The following CPNE2 variants were observed in gnomAD, a reference collection of about 807,000 sequenced individuals.
CPNE2 encodes the protein copine-2.
CPNE2 carries 42 observed loss-of-function variants against 69.7 expected under a neutral mutation model. That is an observed-to-expected ratio of 0.60 (90% CI 0.47 to 0.78). The LOEUF is 0.78. Among genes scored for constraint, CPNE2 ranks in the 30% least tolerant of loss-of-function variants. The pLI, the probability that CPNE2 is intolerant of heterozygous loss-of-function variation, is 0.00. For missense variants in CPNE2, 587 were observed against 732.0 expected (o/e 0.80, Z 2.29); for synonymous variants, 294 against 289.8 (o/e 1.01, Z -0.15).
intron 14 of CPNE2, among the ~76,000 whole-genome samples, chr16:57,137,964 G>A (rs2069895294): frequency 6.6e-6 from 1 of 152,194 alleles, no homozygotes; most frequent in Non-Finnish European, 1.5e-5. Context: ...GAGTTGAGAG[G>A]TCTTCTCCCC....
Position 57,147,792 on chromosome 16 carries a change from C to A in CPNE2, c.*134C>A. 7.9e-6 allele frequency: 4 copies of A among 508,450 alleles called. No individual in the cohort carries two copies. The highest frequency in any genetic ancestry group is 1.3e-5 in the Non-Finnish European group (4 of 302,374). The allele number at this position is 508,450 out of a possible 1,614,324, so 31.5% of individuals were successfully genotyped here. A position where few individuals can be genotyped will look rare whatever the true frequency, so the allele number is the denominator to read the frequency against. On this transcript the variant is annotated 3_prime_UTR_variant, in exon 16 of 16. Coordinates refer to ENST00000290776, the MANE Select transcript of CPNE2 (RefSeq NM_152727.6). ...TTTATTTTTTACAACCGGACCTCCA[C>A]CCCCAACTTCCTCCAGCCCAGCTGG...
chr16:57,099,849 C>T (rs1401978675), intron 1 of CPNE2, among the ~76,000 whole-genome samples: 1 of 147,050 alleles, frequency 6.8e-6, no homozygotes, highest in Non-Finnish European at 1.5e-5. Flanking sequence ...GATCTCGGCT[C>T]ACTGCAACCT....
chr16:57,137,958 T>C (rs1261921590), intron 14 of CPNE2, among the ~76,000 whole-genome samples: 1 of 152,218 alleles, frequency 6.6e-6, no homozygotes, highest in Non-Finnish European at 1.5e-5. Context: ...CAGTATGAGT[T>C]GAGAGGTCTT....
chr16:57,116,646 G>A (rs2069721396), intron 4 of CPNE2, among the ~76,000 whole-genome samples: 1 of 152,166 alleles, frequency 6.6e-6, no homozygotes, highest in African/African-American at 2.4e-5. Context: ...CATCACCCCA[G>A]CATTTCTGGC....
intron 1 of CPNE2, among the ~76,000 whole-genome samples, chr16:57,108,554 A>C (rs113516477): frequency 3.9e-5 from 6 of 152,348 alleles, no homozygotes; most frequent in African/African-American, 1.4e-4. Context: ...TGACAGGGCC[A>C]GTGTTAAATG....
chr16:57,125,117 T>A, intron 10 of CPNE2: 1 of 337,702 alleles, frequency 3.0e-6, no homozygotes, highest in South Asian at 2.2e-5. Flanking sequence ...AACCCTCCCC[T>A]GCTGGGCAGG....
intron 1 of CPNE2, chr16:57,106,139 C>T (rs1452768094): frequency 1.3e-5 from 2 of 152,844 alleles, no homozygotes; most frequent in Non-Finnish European, 2.9e-5. Context: ...ATCATGTGCT[C>T]CCCGTTTCGG....
intron 14 of CPNE2, among the ~76,000 whole-genome samples, chr16:57,140,718 C>G (rs2069915408): frequency 6.6e-6 from 1 of 151,944 alleles, no homozygotes; most frequent in African/African-American, 2.4e-5. Context: ...GCACCTGCCA[C>G]CACGCCGGGC....
intron 1 of CPNE2, chr16:57,093,975 C>A: frequency 2.2e-6 from 1 of 452,118 alleles, no homozygotes. Flanking sequence ...CCCTCCCCCC[C>A]TGTGGCCCTC....
chr16:57,143,327 T>G (rs1352129975), intron 14 of CPNE2: 1 of 152,314 alleles, frequency 6.6e-6, no homozygotes, highest in African/African-American at 2.4e-5. Context: ...GGCTGGTTGA[T>G]TGGCACATAG....
intron 14 of CPNE2, chr16:57,145,841 A>AG: frequency 1.9e-6 from 1 of 539,576 alleles, no homozygotes; most frequent in Non-Finnish European, 3.4e-6. Flanking sequence ...GATAACACAC[A>AG]GGGCAGGAGG....
intron 1 of CPNE2, among the ~76,000 whole-genome samples, chr16:57,103,573 C>G (rs78843423): frequency 0.039 from 5,887 of 152,318 alleles, 359 homozygotes; most frequent in African/African-American, 0.14. Flanking sequence ...CTGGCCACCT[C>G]AGGCCTGCCC....
At chr16:57,099,488 A>G (rs890624944) in intron 1 of CPNE2, among the ~76,000 whole-genome samples, 14 of 139,624 alleles carry the variant, frequency 1.0e-4, no homozygotes, top group Admixed American at 2.4e-4. Flanking sequence ...GGTTGCACCA[A>G]TTTCCACTCC....
At chr16:57,098,004 G>A (rs2069588889) in intron 1 of CPNE2, among the ~76,000 whole-genome samples, 1 of 151,892 alleles carries the variant, frequency 6.6e-6, no homozygotes, top group Admixed American at 6.6e-5. Flanking sequence ...TACAGTGGAG[G>A]CTGCCTCTCA....
Position 57,120,269 on chromosome 16 carries a change from T to C in CPNE2, c.681+619T>C, listed in dbSNP as rs2069751801. 4.1e-5 allele frequency among the ~76,000 whole-genome samples: 5 copies of C among 123,118 alleles called. No individual in the cohort carries two copies. In the Admixed American group the frequency reaches 4.1e-4, roughly 10 times the overall value. The allele number at this position is 123,118 out of a possible 152,430, so 80.8% of individuals were successfully genotyped here. A position where few individuals can be genotyped will look rare whatever the true frequency, so the allele number is the denominator to read the frequency against. On this transcript the variant is annotated intron_variant, in intron 7 of 15. Transcript: ENST00000290776. ...ATGGGTAACAGAGCAAGATTCTGTC[T>C]CAAAAAAAAAAAAAAAAGTTATAGG...
chr16:57,144,878 G>A (rs773628758), intron 14 of CPNE2: 1 of 152,102 alleles, frequency 6.6e-6, no homozygotes, highest in South Asian at 2.1e-4. Flanking sequence ...AACCCAGGAG[G>A]TGGAGGTTGC....
intron 1 of CPNE2, among the ~76,000 whole-genome samples, chr16:57,104,411 G>A (rs1284209517): frequency 6.6e-6 from 1 of 152,224 alleles, no homozygotes; most frequent in African/African-American, 2.4e-5. Context: ...TTGGGCCTCA[G>A]TTTCCACCCC....
chr16:57,106,478 G>A lies in CPNE2; in HGVS notation c.-35-4230G>A, dbSNP rs956481134. Among the ~76,000 whole-genome samples, 35 of 152,200 alleles carry A rather than the reference G, an allele frequency of 2.3e-4. 1 individual carries two copies. Among genetic ancestry groups the A allele is most frequent in the Admixed American group, 6.5e-5 (1 of 15,282 alleles). On this transcript the variant is annotated intron_variant, in intron 1 of 15. Coordinates refer to ENST00000290776, the MANE Select transcript of CPNE2 (RefSeq NM_152727.6). ...GGACAGAAGGAGGTGACCCCAGAGT[G>A]TTCATATGAGCATCTGTCATTGTAT...
At chr16:57,104,418 C>T (rs889015427) in intron 1 of CPNE2, among the ~76,000 whole-genome samples, 2 of 152,214 alleles carry the variant, frequency 1.3e-5, no homozygotes, top group African/African-American at 4.8e-5. Context: ...TCAGTTTCCA[C>T]CCCTGTGAAG....
Sources: allele counts gnomAD v4.1 joint callset (sites outside exome capture counted in the v4.1 genomes callset), GRCh38; gene constraint gnomAD v4.1.1; transcripts MANE v1.5; gene names NCBI Gene and HGNC (gene_info 2026-07-23, HGNC 2026-07-21).